CDH13: variants seen among roughly 807,000 people sequenced by gnomAD.
The protein encoded by CDH13 is cadherin-13.
In CDH13, 24 loss-of-function variants were observed where a neutral mutation model predicts 63.8. That is an observed-to-expected ratio of 0.38 (90% CI 0.27 to 0.53). The LOEUF is 0.53. Among genes scored for constraint, CDH13 ranks in the 20% least tolerant of loss-of-function variants. CDH13 has a pLI of 0.85. For synonymous variants in CDH13, 503 were observed against 355.3 expected (o/e 1.42, Z -4.67); for missense variants, 1,049 against 903.1 (o/e 1.16, Z -2.07).
intron 5 of CDH13, among the ~76,000 whole-genome samples, chr16:83,219,898 C>G (rs1376236556): frequency 6.6e-6 from 1 of 152,152 alleles, no homozygotes; most frequent in Non-Finnish European, 1.5e-5. Context: ...GGCTTGAATT[C>G]CTCTCTTCTG....
intron 6 of CDH13, among the ~76,000 whole-genome samples, chr16:83,432,323 A>G (rs1184583400): frequency 6.6e-6 from 1 of 152,198 alleles, no homozygotes; most frequent in Non-Finnish European, 1.5e-5. Context: ...TGTGCCAGGC[A>G]CAGAACTCAT....
At chr16:83,375,860 G>A (rs1320288472) in intron 6 of CDH13, among the ~76,000 whole-genome samples, 1 of 152,146 alleles carries the variant, frequency 6.6e-6, no homozygotes, top group African/African-American at 2.4e-5. Context: ...GGTAGGCTAT[G>A]GGGATGGCAG....
chr16:83,532,540 C>T (rs1458817676), intron 7 of CDH13, among the ~76,000 whole-genome samples: 3 of 152,220 alleles, frequency 2.0e-5, no homozygotes, highest in African/African-American at 4.8e-5. Flanking sequence ...TCCAGAGTGC[C>T]TAGCTCAGCG....
At chr16:83,214,255 C>T (rs533364715) in intron 4 of CDH13, among the ~76,000 whole-genome samples, 1 of 151,954 alleles carries the variant, frequency 6.6e-6, no homozygotes, top group Non-Finnish European at 1.5e-5. Context: ...GAGCACTTCT[C>T]TTCTGGGAGG....
intron 7 of CDH13, among the ~76,000 whole-genome samples, chr16:83,570,946 C>CATATATATATATATATATAT (rs57586630): frequency 1.3e-4 from 14 of 110,046 alleles, no homozygotes; most frequent in South Asian, 3.0e-4. Context: ...ATAACTCATC[C>CATATATATATATATATATAT]ATATATATAT....
chr16:82,838,930 A>G (rs947140730), intron 1 of CDH13, among the ~76,000 whole-genome samples: 26 of 152,238 alleles, frequency 1.7e-4, no homozygotes, highest in Admixed American at 1.4e-3. Flanking sequence ...CAGATAATAA[A>G]TTTTCAGACA....
At chr16:82,768,099 T>C (rs529577200) in intron 1 of CDH13, among the ~76,000 whole-genome samples, 8 of 152,300 alleles carry the variant, frequency 5.3e-5, no homozygotes, top group Middle Eastern at 3.4e-3. Context: ...ATTGCTGTCA[T>C]GTGGAAGAAG....
At chr16:82,936,942 T>C (rs899047676) in intron 2 of CDH13, among the ~76,000 whole-genome samples, 1 of 152,136 alleles carries the variant, frequency 6.6e-6, no homozygotes, top group Admixed American at 6.5e-5. Context: ...GATACTCCTT[T>C]ATCAGGGCCT....
intron 2 of CDH13, among the ~76,000 whole-genome samples, chr16:82,960,623 A>T (rs1597301078): frequency 6.6e-6 from 1 of 152,104 alleles, no homozygotes; most frequent in African/African-American, 2.4e-5. Context: ...ACAAAATAGC[A>T]CCTTCAGTTT....
At chr16:83,133,206 C>G (rs995522132) in intron 4 of CDH13, among the ~76,000 whole-genome samples, 3 of 152,198 alleles carry the variant, frequency 2.0e-5, no homozygotes, top group Non-Finnish European at 4.4e-5. Flanking sequence ...ACATTTTAAT[C>G]TATTTACAGA....
chr16:82,847,547 C>G (rs1387058202), intron 1 of CDH13, among the ~76,000 whole-genome samples: 1 of 152,184 alleles, frequency 6.6e-6, no homozygotes, highest in African/African-American at 2.4e-5. Context: ...TCAAAGATAC[C>G]TGTGATTACA....
intron 3 of CDH13, among the ~76,000 whole-genome samples, chr16:83,120,343 G>A (rs984860295): frequency 2.0e-5 from 3 of 152,208 alleles, no homozygotes; most frequent in Non-Finnish European, 4.4e-5. Context: ...GATTCAGGGA[G>A]CTGACCACTC....
rs2032561943 is a variant in CDH13 at position 83,073,145 on chromosome 16, G to T, written c.366+40927G>T. 2.0e-5 allele frequency among the ~76,000 whole-genome samples: 3 copies of T among 152,264 alleles called. No homozygotes were observed. In the South Asian group the frequency reaches 6.2e-4, roughly 32 times the overall value. ...ACAGGTAAGGAAGCACAACCTGAGA[G>T]ACATGAAATTATCCAGGCAGGCTTG... On this transcript the variant is annotated intron_variant, in intron 3 of 13. Coordinates refer to ENST00000567109, the MANE Select transcript of CDH13 (RefSeq NM_001257.5).
Position 83,193,959 on chromosome 16 carries a change from G to A in CDH13, c.484-23386G>A, listed in dbSNP as rs1158689550. Among the ~76,000 whole-genome samples the A allele has an allele frequency of 3.9e-5, 6 of 152,192 alleles. No homozygotes were observed. In the South Asian group the frequency reaches 6.2e-4, roughly 16 times the overall value. On this transcript the variant is annotated intron_variant, in intron 4 of 13. Coordinates refer to ENST00000567109, the MANE Select transcript of CDH13 (RefSeq NM_001257.5). ...TAACTAATGTCAAGTCTCCCTAAAC[G>A]TTGCCCTCATCCCCACAATACGAGG...
At chr16:83,508,132 A>AGGG in intron 7 of CDH13, among the ~76,000 whole-genome samples, 3 of 59,692 alleles carry the variant, frequency 5.0e-5, no homozygotes, top group African/African-American at 1.4e-4. Flanking sequence ...GGAGGAAGGA[A>AGGG]AGGGAAGGGG....
intron 4 of CDH13, among the ~76,000 whole-genome samples, chr16:83,148,375 T>C (rs1217167964): frequency 1.3e-5 from 2 of 152,160 alleles, no homozygotes; most frequent in Non-Finnish European, 2.9e-5. Context: ...GGTGGTGCCA[T>C]GTAGGCTCAT....
At chr16:83,132,453 C>CCCT (rs1491296907) in intron 4 of CDH13, among the ~76,000 whole-genome samples, 8 of 92,922 alleles carry the variant, frequency 8.6e-5, no homozygotes, top group South Asian at 4.7e-4. Flanking sequence ...ACACCCCCCC[C>CCCT]TTTTTTTTTT....
intron 5 of CDH13, among the ~76,000 whole-genome samples, chr16:83,249,674 G>T (rs1442995551): frequency 6.6e-6 from 1 of 152,128 alleles, no homozygotes; most frequent in African/African-American, 2.4e-5. Context: ...ACCTGGCTGG[G>T]GGTATTTTTC....
chr16:83,727,563 C>T (rs768716516), intron 10 of CDH13, among the ~76,000 whole-genome samples: 1 of 151,876 alleles, frequency 6.6e-6, no homozygotes, highest in African/African-American at 2.4e-5. Context: ...ACCTTCCAAC[C>T]TTCCCGCATT....
Sources: gnomAD v4.1 joint callset for allele counts (sites outside exome capture counted in the v4.1 genomes callset) on GRCh38, gnomAD v4.1.1 for gene constraint, MANE v1.5 for transcripts, NCBI Gene and HGNC (gene_info 2026-07-23, HGNC 2026-07-21) for gene names.